The following CCDC192 variants were observed in gnomAD, a reference collection of about 807,000 sequenced individuals.
CCDC192 encodes the protein coiled-coil domain containing 192, also known as coiled-coil domain-containing protein 192.
intron 2 of CCDC192, among the ~76,000 whole-genome samples, chr5:127,746,551 A>G (rs1753753948): frequency 6.6e-6 from 1 of 152,136 alleles, no homozygotes; most frequent in Non-Finnish European, 1.5e-5. Context: ...ATTTCTGCAT[A>G]TAATGTCTTA....
intron 2 of CCDC192, among the ~76,000 whole-genome samples, chr5:127,711,813 T>C (rs1386069180): frequency 6.6e-6 from 1 of 152,136 alleles, no homozygotes; most frequent in Non-Finnish European, 1.5e-5. Context: ...AATAGGTTAA[T>C]TTTTTTACCA....
chr5:127,877,105 G>A (rs1010932187), intron 6 of CCDC192, among the ~76,000 whole-genome samples: 6 of 152,170 alleles, frequency 3.9e-5, no homozygotes, highest in Admixed American at 1.3e-4. Context: ...CTTACGAGAA[G>A]CTTTCAACTT....
At chr5:127,850,026 C>A (rs113994962) in intron 5 of CCDC192, among the ~76,000 whole-genome samples, 36 of 152,310 alleles carry the variant, frequency 2.4e-4, no homozygotes, top group African/African-American at 8.7e-4. Context: ...TGCTAACTGA[C>A]TGTAAAGCAA....
At chr5:127,720,517 T>G (rs1215953503) in intron 2 of CCDC192, among the ~76,000 whole-genome samples, 1 of 152,178 alleles carries the variant, frequency 6.6e-6, no homozygotes, top group Admixed American at 6.5e-5. Context: ...GTGCAAGCTG[T>G]TGGTGGATCT....
chr5:127,740,139 A>G (rs915119006), intron 2 of CCDC192: 2 of 152,242 alleles, frequency 1.3e-5, no homozygotes, highest in Non-Finnish European at 2.9e-5. Context: ...CAGCTTGCCA[A>G]ATGGCCAGTG....
At chr5:127,930,262 A>C (rs1248581904) in intron 6 of CCDC192, among the ~76,000 whole-genome samples, 2 of 152,092 alleles carry the variant, frequency 1.3e-5, no homozygotes, top group Non-Finnish European at 2.9e-5. Flanking sequence ...CTAAAATAAA[A>C]AGATGTAAAA....
intron 3 of CCDC192, among the ~76,000 whole-genome samples, chr5:127,770,043 G>C (rs1694708593): frequency 6.6e-6 from 1 of 152,132 alleles, no homozygotes; most frequent in Admixed American, 6.5e-5. Context: ...TTGAGATTCA[G>C]GTTCTAGGGA....
At chr5:127,815,600 G>A (rs906272678) in intron 5 of CCDC192, among the ~76,000 whole-genome samples, 4 of 152,232 alleles carry the variant, frequency 2.6e-5, no homozygotes, top group African/African-American at 4.8e-5. Flanking sequence ...TGGCTATGGC[G>A]GCTCACACCT....
At chr5:127,822,447 A>G (rs1749335102) in intron 5 of CCDC192, among the ~76,000 whole-genome samples, 1 of 152,232 alleles carries the variant, frequency 6.6e-6, no homozygotes, top group African/African-American at 2.4e-5. Flanking sequence ...CAAAGAACTT[A>G]TGTCCTAGTG....
At chr5:127,783,134 T>C (rs1270033202) in intron 3 of CCDC192, among the ~76,000 whole-genome samples, 3 of 151,986 alleles carry the variant, frequency 2.0e-5, no homozygotes, top group African/African-American at 7.3e-5. Flanking sequence ...TAGCTGGAAC[T>C]ACAGGCACGT....
chr5:127,714,087 G>T (rs1751485995), intron 2 of CCDC192, among the ~76,000 whole-genome samples: 1 of 152,088 alleles, frequency 6.6e-6, no homozygotes, highest in Non-Finnish European at 1.5e-5. Flanking sequence ...GTAAGATTAT[G>T]CAGTATTTGT....
intron 5 of CCDC192, among the ~76,000 whole-genome samples, chr5:127,840,639 AT>A (rs1750240942): frequency 6.6e-6 from 1 of 152,176 alleles, no homozygotes; most frequent in African/African-American, 2.4e-5. Flanking sequence ...ATTATTTCAC[AT>A]TTTTTTGAGC....
At chr5:127,806,651 A>G (rs902193874) in intron 5 of CCDC192, among the ~76,000 whole-genome samples, 7 of 152,086 alleles carry the variant, frequency 4.6e-5, no homozygotes, top group Non-Finnish European at 1.0e-4. Context: ...ATCCCTATTT[A>G]CTTGCTGAAA....
At chr5:127,730,333 A>G (rs1752572500) in intron 2 of CCDC192, among the ~76,000 whole-genome samples, 1 of 152,216 alleles carries the variant, frequency 6.6e-6, no homozygotes, top group Non-Finnish European at 1.5e-5. Flanking sequence ...TATGAAGTTG[A>G]TATCTGAATA....
chr5:127,873,432 AT>A (rs1751941337), intron 5 of CCDC192, among the ~76,000 whole-genome samples: 1 of 152,192 alleles, frequency 6.6e-6, no homozygotes, highest in African/African-American at 2.4e-5. Context: ...CAAAAACTAG[AT>A]TCTATAGTGA....
At chr5:127,860,570 C>G (rs545836157) in intron 5 of CCDC192, among the ~76,000 whole-genome samples, 2 of 152,230 alleles carry the variant, frequency 1.3e-5, no homozygotes, top group South Asian at 4.2e-4. Flanking sequence ...CCCACTTACT[C>G]TATCATAAAA....
chr5:127,800,399 AAACAAC>A (rs1246407366), intron 5 of CCDC192, among the ~76,000 whole-genome samples: 2,578 of 107,208 alleles, frequency 0.024, 28 homozygotes, highest in East Asian at 0.06. Context: ...AAAAAAAAAA[AAACAAC>A]AACAACAAAA....
chr5:127,763,700 T>C (rs183679672), intron 3 of CCDC192, among the ~76,000 whole-genome samples: 35 of 152,256 alleles, frequency 2.3e-4, no homozygotes, highest in Middle Eastern at 3.4e-3. Flanking sequence ...ATTACACCAC[T>C]TTCAGTTCTT....
chr5:127,739,072 T>C (rs1019964484), intron 2 of CCDC192, among the ~76,000 whole-genome samples: 1 of 152,208 alleles, frequency 6.6e-6, no homozygotes, highest in African/African-American at 2.4e-5. Flanking sequence ...TATCTACTTT[T>C]GATCTTTGAT....
Sources: gnomAD v4.1 joint callset for allele counts (sites outside exome capture counted in the v4.1 genomes callset) on GRCh38, gnomAD v4.1.1 for gene constraint, MANE v1.5 for transcripts, NCBI Gene and HGNC (gene_info 2026-07-23, HGNC 2026-07-21) for gene names.